PRLR: variants seen among roughly 807,000 people sequenced by gnomAD.
PRLR encodes the protein prolactin receptor.
A neutral mutation model predicts 40.2 loss-of-function variants in PRLR; 13 were observed. The ratio of observed to expected loss-of-function variants is 0.32; its 90% CI spans 0.21 to 0.51. The LOEUF is 0.51. Among genes scored for constraint, PRLR ranks in the 20% least tolerant of loss-of-function variants. The probability of loss-of-function intolerance (pLI) is 0.97; values close to 1 mark genes in which losing one functional copy is unlikely to be tolerated. For missense variants in PRLR, 656 were observed against 747.3 expected (o/e 0.88, Z 1.42); for synonymous variants, 269 against 278.7 (o/e 0.97, Z 0.35).
downstream of PRLR, among the ~76,000 whole-genome samples, chr5:35,053,172 A>T (rs779062718): frequency 1.3e-5 from 2 of 152,228 alleles, no homozygotes; most frequent in Non-Finnish European, 2.9e-5. Context: ...TCTATTTAAC[A>T]CTGTCCTGGA....
chr5:35,079,932 T>C (rs1770388344), intron 5 of PRLR, among the ~76,000 whole-genome samples: 1 of 152,094 alleles, frequency 6.6e-6, no homozygotes, highest in Non-Finnish European at 1.5e-5. Flanking sequence ...AAACAAGAAA[T>C]GGGGAAAGGA....
chr5:35,055,673 A>G (rs1370020008), downstream of PRLR: 2 of 152,226 alleles, frequency 1.3e-5, no homozygotes, highest in Non-Finnish European at 2.9e-5. Flanking sequence ...CATGTTTCAC[A>G]TACATATATA....
chr5:35,206,151 GT>G (rs1776010340), intron 1 of PRLR, among the ~76,000 whole-genome samples: 1 of 152,066 alleles, frequency 6.6e-6, no homozygotes, highest in South Asian at 2.1e-4. Context: ...ATTAAAAGGG[GT>G]TGTAGAGGAG....
chr5:35,183,084 C>A (rs936637994), intron 1 of PRLR, among the ~76,000 whole-genome samples: 1 of 152,200 alleles, frequency 6.6e-6, no homozygotes, highest in Non-Finnish European at 1.5e-5. Flanking sequence ...CTGGAAGTTG[C>A]GACACCTACT....
chr5:35,223,508 G>C (rs1604427), intron 1 of PRLR, among the ~76,000 whole-genome samples: 89,145 of 151,936 alleles, frequency 0.59, 27,544 homozygotes, highest in Non-Finnish European at 0.7. Context: ...TCCACATCAC[G>C]CACCCCCGAA....
At chr5:35,086,681 T>G (rs568278315) in intron 3 of PRLR, among the ~76,000 whole-genome samples, 23 of 152,242 alleles carry the variant, frequency 1.5e-4, no homozygotes, top group Admixed American at 1.2e-3. Flanking sequence ...AGACACATAT[T>G]GGTTGAAGAG....
chr5:35,095,493 A>G (rs1010683177), intron 2 of PRLR, among the ~76,000 whole-genome samples: 1 of 152,226 alleles, frequency 6.6e-6, no homozygotes, highest in Non-Finnish European at 1.5e-5. Flanking sequence ...TCAGGAAGAC[A>G]TTGAAAACTG....
chr5:35,051,188 C>T (rs1325033569), downstream of PRLR, among the ~76,000 whole-genome samples: 2 of 152,180 alleles, frequency 1.3e-5, no homozygotes, highest in East Asian at 1.9e-4. Flanking sequence ...TTAGCCTTCC[C>T]ACTAGACTGT....
At chr5:35,153,860 A>C (rs1188479445) in intron 1 of PRLR, among the ~76,000 whole-genome samples, 3 of 151,604 alleles carry the variant, frequency 2.0e-5, no homozygotes, top group Middle Eastern at 3.4e-3. Flanking sequence ...ATGGGTGCCC[A>C]TTTGGTCCTG....
At chr5:35,212,141 C>A (rs1467649070) in intron 1 of PRLR, among the ~76,000 whole-genome samples, 2 of 152,194 alleles carry the variant, frequency 1.3e-5, no homozygotes, top group Non-Finnish European at 2.9e-5. Context: ...ATAAGTTCTT[C>A]TACATAATAC....
chr5:35,209,586 T>C (rs1236856949), intron 1 of PRLR, among the ~76,000 whole-genome samples: 5 of 152,152 alleles, frequency 3.3e-5, no homozygotes, highest in Middle Eastern at 3.2e-3. Flanking sequence ...TTAATGAAAA[T>C]TATGTCTATG....
chr5:35,070,841 CAAAAAAAAAAAAA>C (rs34668616), intron 6 of PRLR, among the ~76,000 whole-genome samples: 71 of 69,158 alleles, frequency 1.0e-3, no homozygotes, highest in African/African-American at 3.3e-3. Flanking sequence ...AACTCCGTCT[CAAAAAAAAAAAAA>C]AAAAAAAAAG....
At chr5:35,205,797 T>C (rs1335761213) in intron 1 of PRLR, among the ~76,000 whole-genome samples, 2 of 152,178 alleles carry the variant, frequency 1.3e-5, no homozygotes, top group Non-Finnish European at 2.9e-5. Context: ...AGCATTCCTG[T>C]TAGAGGCTGA....
chr5:35,168,223 G>A (rs1774898048), intron 1 of PRLR, among the ~76,000 whole-genome samples: 1 of 151,864 alleles, frequency 6.6e-6, no homozygotes, highest in Admixed American at 6.6e-5. Context: ...AAACTTCCAA[G>A]ACTAAAAGCA....
At chr5:35,209,897 C>T (rs942963272) in intron 1 of PRLR, among the ~76,000 whole-genome samples, 1 of 152,214 alleles carries the variant, frequency 6.6e-6, no homozygotes, top group Admixed American at 6.5e-5. Flanking sequence ...CCACAATATT[C>T]TCAAAAGAGT....
intron 2 of PRLR, among the ~76,000 whole-genome samples, chr5:35,106,692 T>G (rs537755594): frequency 1.2e-4 from 19 of 152,182 alleles, no homozygotes; most frequent in African/African-American, 4.3e-4. Context: ...TAAATATACA[T>G]GCACCCAATA....
intron 1 of PRLR, among the ~76,000 whole-genome samples, chr5:35,137,222 G>C (rs1451011566): frequency 2.0e-5 from 3 of 152,230 alleles, no homozygotes; most frequent in African/African-American, 7.2e-5. Context: ...GAGAAGGTTA[G>C]GGATTGGTCT....
At chr5:35,148,676 G>T (rs1774255649) in intron 1 of PRLR, among the ~76,000 whole-genome samples, 1 of 152,140 alleles carries the variant, frequency 6.6e-6, no homozygotes, top group Admixed American at 6.5e-5. Context: ...TGAAATACAT[G>T]CACAATAAAT....
intron 2 of PRLR, among the ~76,000 whole-genome samples, chr5:35,091,618 C>T (rs1036220577): frequency 2.6e-5 from 4 of 152,164 alleles, no homozygotes; most frequent in Admixed American, 1.3e-4. Flanking sequence ...GTGGGAGAGA[C>T]GGTGGAGACA....
Sources: allele counts gnomAD v4.1 joint callset (sites outside exome capture counted in the v4.1 genomes callset), GRCh38; gene constraint gnomAD v4.1.1; transcripts MANE v1.5; gene names NCBI Gene and HGNC (gene_info 2026-07-23, HGNC 2026-07-21).